Variants in MCHR2 observed in about 807,000 individuals in gnomAD.
MCHR2 encodes melanin-concentrating hormone receptor 2.
A neutral mutation model predicts 24.8 loss-of-function variants in MCHR2; 15 were observed. The observed-to-expected ratio is 0.60, with a 90% CI of 0.40 to 0.93. The LOEUF (loss-of-function observed/expected upper bound fraction) is 0.93. Among genes scored for constraint, MCHR2 ranks in the 40% least tolerant of loss-of-function variants. The pLI is 0.00. For synonymous variants in MCHR2, 151 were observed against 147.6 expected (o/e 1.02, Z -0.17); for missense variants, 386 against 408.7 (o/e 0.94, Z 0.48).
At chr6:99,960,065 A>C (rs1775148477) in intron 1 of MCHR2, among the ~76,000 whole-genome samples, 1 of 152,074 alleles carries the variant, frequency 6.6e-6, no homozygotes. Context: ...AGAAGTCCAC[A>C]AAGACAACAG....
chr6:99,970,703 T>C lies in MCHR2; in HGVS notation c.-27-14529A>G, dbSNP rs1343918144. On this transcript the variant is annotated intron_variant, in intron 1 of 5. Transcript: ENST00000281806. The stretch of plus-strand genomic sequence containing the variant: ...GGTTTTTATGGTTTTAGGTCTAACA[T>C]GTAAGTCTTTGATCCATCTTGAATT... Among the ~76,000 whole-genome samples, 6 of 152,354 alleles carry C rather than the reference T, an allele frequency of 3.9e-5. No homozygotes were observed. The East Asian group carries it at 7.7e-4, about 20-fold the overall frequency.
At chr6:99,922,415 C>T (rs184550335) in intron 5 of MCHR2, among the ~76,000 whole-genome samples, 1 of 152,050 alleles carries the variant, frequency 6.6e-6, no homozygotes, top group Non-Finnish European at 1.5e-5. Flanking sequence ...ACCCATTTGT[C>T]CATTTTTTGC....
At chr6:99,934,266 C>T in intron 5 of MCHR2, 132 bp downstream of exon 5, 1 of 893,850 alleles carries the variant, frequency 1.1e-6, no homozygotes, top group South Asian at 3.9e-5. Context: ...AAAATTTTTT[C>T]TATAGACATA....
At chr6:99,956,224 A>T (rs1775058804) in intron 1 of MCHR2, 50 bp from the exon 2 acceptor site, 4 of 1,254,426 alleles carry the variant, frequency 3.2e-6, no homozygotes, top group Non-Finnish European at 4.4e-6. Context: ...CCTCAATATA[A>T]CTTCCTTTAC....
intron 1 of MCHR2, among the ~76,000 whole-genome samples, chr6:99,957,094 A>C (rs1482644132): frequency 6.6e-6 from 1 of 152,120 alleles, no homozygotes; most frequent in Non-Finnish European, 1.5e-5. Flanking sequence ...ATACTGAAGC[A>C]CCAATGCTAT....
At chr6:99,958,062 CTT>C (rs1480858494) in intron 1 of MCHR2, among the ~76,000 whole-genome samples, 2 of 151,888 alleles carry the variant, frequency 1.3e-5, no homozygotes, top group Non-Finnish European at 2.9e-5. Context: ...GATAGAAGGA[CTT>C]AATTTATTTG....
At chr6:99,940,243 AT>A (rs1774746341) in intron 4 of MCHR2, among the ~76,000 whole-genome samples, 1 of 150,622 alleles carries the variant, frequency 6.6e-6, no homozygotes, top group Admixed American at 6.6e-5. Flanking sequence ...TTTTGAAGTA[AT>A]TTTTTCTATA....
At chr6:99,940,849 G>A (rs761477581) in intron 4 of MCHR2, among the ~76,000 whole-genome samples, 4 of 152,080 alleles carry the variant, frequency 2.6e-5, no homozygotes, top group African/African-American at 7.2e-5. Flanking sequence ...GAGATATCCC[G>A]GAGGTGTGGG....
At position 99,927,880 on chromosome 6, in the gene MCHR2, A is replaced by G. The variant is rs181402011; in HGVS notation, c.707+6518T>C. The stretch of plus-strand genomic sequence containing the variant: ...CAGAACTTCCAACACTATGTTGAAT[A>G]GGAGTGGTGAGAGAGGGCATCCCTG... On this transcript the variant is annotated intron_variant, in intron 5 of 5. Transcript: ENST00000281806. Among the ~76,000 whole-genome samples, 13 of 152,238 alleles carry G rather than the reference A, an allele frequency of 8.5e-5. No homozygotes were observed. In the East Asian group the frequency reaches 1.5e-3, roughly 18 times the overall value.
chr6:99,936,046 T>C (rs1774653661), intron 4 of MCHR2, among the ~76,000 whole-genome samples: 1 of 152,012 alleles, frequency 6.6e-6, no homozygotes, highest in African/African-American at 2.4e-5. Flanking sequence ...ATTGGATTAT[T>C]TGGGTTTTTT....
intron 4 of MCHR2, among the ~76,000 whole-genome samples, chr6:99,937,819 GA>G (rs1271261103): frequency 5.3e-5 from 8 of 151,272 alleles, no homozygotes; most frequent in African/African-American, 1.9e-4. Context: ...ATTCAGCAAT[GA>G]AGTCATCAGG....
intron 1 of MCHR2, among the ~76,000 whole-genome samples, chr6:99,982,726 T>C (rs904824914): frequency 3.9e-5 from 6 of 152,048 alleles, no homozygotes; most frequent in African/African-American, 1.4e-4. Context: ...GAGAAGTGGA[T>C]TTTTCCATTT....
intron 4 of MCHR2, among the ~76,000 whole-genome samples, chr6:99,942,304 C>T (rs1774785761): frequency 6.6e-6 from 1 of 152,134 alleles, no homozygotes; most frequent in Admixed American, 6.5e-5. Context: ...CCCCCTCCTA[C>T]CCTCTCTGCT....
intron 5 of MCHR2, among the ~76,000 whole-genome samples, chr6:99,928,944 G>A (rs905390119): frequency 1.3e-5 from 2 of 151,760 alleles, no homozygotes; most frequent in Non-Finnish European, 2.9e-5. Context: ...TGTCAATTTT[G>A]GATCTTTCCT....
At chr6:99,984,071 G>T (rs1175223528) in intron 1 of MCHR2, among the ~76,000 whole-genome samples, 1 of 151,946 alleles carries the variant, frequency 6.6e-6, no homozygotes, top group Non-Finnish European at 1.5e-5. Flanking sequence ...AACGTAAAGG[G>T]TATTCATTAT....
At chr6:99,974,475 C>T (rs1775505420) in intron 1 of MCHR2, among the ~76,000 whole-genome samples, 1 of 152,150 alleles carries the variant, frequency 6.6e-6, no homozygotes, top group Admixed American at 6.6e-5. Context: ...TTTTTTCTCA[C>T]AGTTTTTAAC....
rs117716765 is a variant in MCHR2, at chr6:99,918,879, C to T, written c.*2061G>A. Among the ~76,000 whole-genome samples, 2,903 of 151,954 alleles carry T rather than the reference C, an allele frequency of 0.019. 34 individuals are homozygous for T. Among genetic ancestry groups the T allele is most frequent in the Middle Eastern group, 0.048 (14 of 294 alleles). ...ATATAATTTAAAATAATTCACTGGC[C>T]AATTATTTGAGGACTATTGGGACTG... On this transcript the variant is annotated 3_prime_UTR_variant, in exon 6 of 6. Coordinates refer to ENST00000281806, the MANE Select transcript of MCHR2 (RefSeq NM_001040179.2).
At chr6:99,976,621 G>A (rs1457287318) in intron 1 of MCHR2, among the ~76,000 whole-genome samples, 1 of 149,070 alleles carries the variant, frequency 6.7e-6, no homozygotes, top group East Asian at 2.1e-4. Context: ...CTTTCGTGGA[G>A]CACCACCTGT....
intron 3 of MCHR2, 65 bp from the exon 4 acceptor site, chr6:99,943,208 G>A: frequency 1.2e-5 from 16 of 1,312,682 alleles, no homozygotes; most frequent in Non-Finnish European, 1.7e-5. Flanking sequence ...AAGGATGAAA[G>A]GTTCATGATG....
Sources: gnomAD v4.1 joint callset for allele counts (sites outside exome capture counted in the v4.1 genomes callset) on GRCh38, gnomAD v4.1.1 for gene constraint, MANE v1.5 for transcripts, NCBI Gene and HGNC (gene_info 2026-07-23, HGNC 2026-07-21) for gene names.